The following IQGAP2 variants were observed in gnomAD, a reference collection of about 807,000 sequenced individuals.
IQGAP2 encodes ras GTPase-activating-like protein IQGAP2.
In IQGAP2, 173 loss-of-function variants were observed where a neutral mutation model predicts 201.3. The observed-to-expected ratio is 0.86, with a 90% CI of 0.76 to 0.98. The LOEUF (loss-of-function observed/expected upper bound fraction) is 0.98, where lower values mean the gene tolerates loss of function less well. IQGAP2 is among the 50% of genes least tolerant of loss of function. IQGAP2 has a pLI of 0.00. For synonymous variants in IQGAP2, 675 were observed against 673.9 expected, an observed-to-expected ratio of 1.00 and a Z score of -0.03; for missense variants, 1,687 against 1,864.8, an observed-to-expected ratio of 0.90 and a Z score of 1.76.
chr5:76,472,536 G>A (rs540793009), intron 2 of IQGAP2, among the ~76,000 whole-genome samples: 2 of 152,186 alleles, frequency 1.3e-5, no homozygotes, highest in African/African-American at 4.8e-5. Context: ...AGATGCCCTG[G>A]GGCAGATCAA....
intron 1 of IQGAP2, among the ~76,000 whole-genome samples, chr5:76,450,448 A>G (rs755210466): frequency 2.6e-5 from 4 of 152,358 alleles, no homozygotes; most frequent in South Asian, 2.1e-4. Context: ...AACTCTATAG[A>G]GCAATCTATT....
chr5:76,618,424 T>C (rs746796916), intron 13 of IQGAP2: 2 of 1,614,196 alleles, frequency 1.2e-6, no homozygotes, highest in Non-Finnish European at 1.7e-6. Flanking sequence ...GGTATCAGTT[T>C]AGTACTTAAG....
intron 1 of IQGAP2, among the ~76,000 whole-genome samples, chr5:76,460,860 CT>C (rs61258350): frequency 0.18 from 19,986 of 112,510 alleles, 1,561 homozygotes; most frequent in Middle Eastern, 0.23. Flanking sequence ...TTGCACACTG[CT>C]TTTTTTTTTT....
intron 12 of IQGAP2, among the ~76,000 whole-genome samples, chr5:76,609,490 A>C (rs1748086126): frequency 6.6e-6 from 1 of 152,222 alleles, no homozygotes; most frequent in African/African-American, 2.4e-5. Flanking sequence ...TTCTTCTTAC[A>C]GGTAAATCTT....
At chr5:76,413,152 T>TTC (rs1751217622) in intron 1 of IQGAP2, among the ~76,000 whole-genome samples, 2 of 143,692 alleles carry the variant, frequency 1.4e-5, no homozygotes, top group African/African-American at 2.7e-5. Flanking sequence ...TTCTTTTCTT[T>TTC]TCTCTTTTTT....
In IQGAP2 at chr5:76,453,711, T is replaced by G. The variant is rs149872373; in HGVS notation, c.47-7859T>G. Among the ~76,000 whole-genome samples the G allele has an allele frequency of 5.9e-5, 9 of 152,358 alleles. No homozygotes were observed. In the East Asian group the frequency reaches 1.5e-3, roughly 26 times the overall value. On this transcript the variant is annotated intron_variant, in intron 1 of 35. Transcript: ENST00000274364. ...ATTATTTCTATGGGGCATTAAAGTT[T>G]ATGTAAATATCTGGGTCTTTAAACT... is the stretch of plus-strand genomic sequence containing the variant.
intron 2 of IQGAP2, among the ~76,000 whole-genome samples, chr5:76,491,749 C>T (rs1756558376): frequency 6.6e-6 from 1 of 152,160 alleles, no homozygotes; most frequent in Non-Finnish European, 1.5e-5. Flanking sequence ...ACATACCTAC[C>T]ACCCTCCAGG....
intron 2 of IQGAP2, among the ~76,000 whole-genome samples, chr5:76,511,774 G>A (rs903515290): frequency 8.0e-5 from 12 of 150,730 alleles, no homozygotes; most frequent in Non-Finnish European, 1.6e-4. Flanking sequence ...TCTGCCTCCC[G>A]GGTTCACACC....
chr5:76,669,138 TTC>T (rs1744065160), intron 23 of IQGAP2, among the ~76,000 whole-genome samples: 2 of 152,236 alleles, frequency 1.3e-5, no homozygotes, highest in South Asian at 4.1e-4. Context: ...TTAATTAAAA[TTC>T]TGAGTAGTAA....
Position 76,597,496 on chromosome 5 carries a change from C to T in IQGAP2, c.965C>T (p.Thr322Met), listed in dbSNP as rs375606140. Residue 322 changes from threonine (T) to methionine (M), a missense_variant, in exon 10 of 36, where the codon ACG becomes ATG. Thr to Met is a moderately conservative substitution (Grantham distance 81). Transcript: ENST00000274364. ...ATTCCGGAAGGTGACCCCGAGAATA[C>T]GCTGCTTGCACTGAAGAAACCAGAG... The part of the protein sequence containing the change: ...AVIPEGDPEN[T>M]LLALKKPEAQ... The T allele has an allele frequency of 2.6e-5, 42 of 1,613,838 alleles. No individual in the cohort carries two copies. In the East Asian group the frequency reaches 4.5e-4, roughly 17 times the overall value.
At chr5:76,442,128 CAG>C (rs1420127900) in intron 1 of IQGAP2, among the ~76,000 whole-genome samples, 4 of 152,154 alleles carry the variant, frequency 2.6e-5, no homozygotes, top group African/African-American at 9.7e-5. Flanking sequence ...GACATTAACA[CAG>C]AGTTGTCTGA....
chr5:76,415,159 G>A (rs535501595), intron 1 of IQGAP2, among the ~76,000 whole-genome samples: 14 of 152,118 alleles, frequency 9.2e-5, no homozygotes, highest in Admixed American at 8.5e-4. Context: ...ACCATATGCC[G>A]TATTACCCTT....
chr5:76,475,562 C>T (rs1417946818), intron 2 of IQGAP2, among the ~76,000 whole-genome samples: 1 of 152,178 alleles, frequency 6.6e-6, no homozygotes, highest in Non-Finnish European at 1.5e-5. Context: ...ATTGTTTTTC[C>T]TTCCCCTCCC....
intron 2 of IQGAP2, among the ~76,000 whole-genome samples, chr5:76,535,589 T>A (rs1759575619): frequency 6.6e-6 from 1 of 152,146 alleles, no homozygotes; most frequent in Non-Finnish European, 1.5e-5. Flanking sequence ...ACGCCCTGGG[T>A]CTGTGTGACA....
At chr5:76,610,076 C>CTCTCTCTCTCTA (rs1326468006) in intron 12 of IQGAP2, among the ~76,000 whole-genome samples, 4 of 18,702 alleles carry the variant, frequency 2.1e-4, no homozygotes, top group Non-Finnish European at 2.9e-4. Flanking sequence ...CTCTCTCTCT[C>CTCTCTCTCTCTA]TATATATATA....
intron 14 of IQGAP2, among the ~76,000 whole-genome samples, chr5:76,629,068 A>G (rs573550924): frequency 6.6e-6 from 1 of 152,324 alleles, no homozygotes; most frequent in Non-Finnish European, 1.5e-5. Context: ...TGTTTTTCAC[A>G]TTGAGACTCA....
intron 2 of IQGAP2, among the ~76,000 whole-genome samples, chr5:76,478,714 C>A (rs1236118252): frequency 6.6e-6 from 1 of 152,138 alleles, no homozygotes; most frequent in Non-Finnish European, 1.5e-5. Flanking sequence ...AGCCCAGGAG[C>A]AATAGGCCAT....
At chr5:76,683,089 G>T (rs112535938) in intron 28 of IQGAP2, 26 bp from the exon 29 acceptor site, 5 of 1,381,360 alleles carry the variant, frequency 3.6e-6, no homozygotes, top group Admixed American at 3.9e-5. Context: ...TTTTTTCTTT[G>T]TGTGTGTGTT....
At chr5:76,504,056 C>T (rs1757450752) in intron 2 of IQGAP2, among the ~76,000 whole-genome samples, 2 of 152,158 alleles carry the variant, frequency 1.3e-5, no homozygotes, top group South Asian at 4.1e-4. Flanking sequence ...GCTGCTGAAT[C>T]CCTGAATGAT....
Sources: gnomAD v4.1 joint callset for allele counts (sites outside exome capture counted in the v4.1 genomes callset) on GRCh38, gnomAD v4.1.1 for gene constraint, MANE v1.5 for transcripts, NCBI Gene and HGNC (gene_info 2026-07-23, HGNC 2026-07-21) for gene names.